The following NLRP2 variants were observed in gnomAD, a reference collection of about 807,000 sequenced individuals.
NLRP2 encodes the protein NACHT, LRR and PYD domains-containing protein 2.
NLRP2 carries 107 observed loss-of-function variants against 97.2 expected under a neutral mutation model. That is an observed-to-expected ratio of 1.10 (90% CI 0.94 to 1.29). The LOEUF is 1.29. Among genes scored for constraint, NLRP2 ranks in the 50% most tolerant of loss-of-function variants. NLRP2 has a pLI of 0.00. For missense variants in NLRP2, 1,495 were observed against 1,330.3 expected, an observed-to-expected ratio of 1.12 and a Z score of -1.93; for synonymous variants, 663 against 551.5, an observed-to-expected ratio of 1.20 and a Z score of -2.83.
chr19:54,980,520 T>C (rs1333459433), intron 4 of NLRP2, among the ~76,000 whole-genome samples: 2 of 152,026 alleles, frequency 1.3e-5, no homozygotes, highest in African/African-American at 4.8e-5. Flanking sequence ...ATGAAGACAA[T>C]CGTAGGTAAA....
In NLRP2 at chr19:54,975,294, TCA is replaced by T. The variant is rs1253700965; in HGVS notation, c.325+752_325+753del. 1.5e-3 allele frequency among the ~76,000 whole-genome samples: 210 copies of T among 143,102 alleles called. 1 individual carries two copies. Among genetic ancestry groups the T allele is most frequent in the East Asian group, 4.2e-3 (18 of 4,320 alleles). 93.9% of individuals were successfully genotyped at this position (143,102 alleles called of 152,430 possible). A position where few individuals can be genotyped will look rare whatever the true frequency, so the allele number is the denominator to read the frequency against. ...TGCCACCATGCCTGGCTAATTTTTT[TCA>T]CTTTTTGTAGAGACAGGGTCTTGCT... is the stretch of plus-strand genomic sequence containing the variant. On this transcript the variant is annotated intron_variant, in intron 3 of 12. Transcript: ENST00000448584.
Position 54,970,284 on chromosome 19 carries a change from A to T in NLRP2, c.269A>T (p.Asp90Val), listed in dbSNP as rs778111020. The change falls in exon 2 of 13, where the codon GAT becomes GTT. Residue 90 changes from aspartate to valine, a missense_variant. Physicochemically the swap from Asp to Val is radical, Grantham distance 152 (BLOSUM62 -3). Coordinates refer to ENST00000448584, the MANE Select transcript of NLRP2 (RefSeq NM_017852.5). The part of the protein sequence containing the change: ...HRMDLSERAK[D>V]EVREAALKSF... ...ATGGATCTGTCTGAGAGAGCAAAGG[A>T]TGAAGTCAGAGGTGAGTGGAAATCG... 5.6e-6 allele frequency: 9 copies of T among 1,614,134 alleles called. No homozygotes were observed. The South Asian group carries it at 7.7e-5, about 14-fold the overall frequency.
At chr19:54,967,010 C>T (rs1299122344) in intron 1 of NLRP2, among the ~76,000 whole-genome samples, 1 of 151,500 alleles carries the variant, frequency 6.6e-6, no homozygotes. Flanking sequence ...TCTGTTCTGG[C>T]TAATAATATT....
intron 2 of NLRP2, chr19:54,973,988 A>G: frequency 3.2e-6 from 4 of 1,233,730 alleles, no homozygotes; most frequent in Middle Eastern, 2.0e-4. Context: ...GAAAAAGGCT[A>G]AAACTACAAA....
Position 54,970,117 on chromosome 19 carries a change from C to G in NLRP2, c.102C>G (p.Ser34=). 1 of 1,614,066 alleles carries G rather than the reference C, an allele frequency of 6.2e-7. No individual in the cohort carries two copies. Among genetic ancestry groups the G allele is most frequent in the Non-Finnish European group, 8.5e-7 (1 of 1,180,006 alleles). Residue 34 remains serine, a synonymous_variant, in exon 2 of 13, where the codon TCC becomes TCG. Coordinates refer to ENST00000448584, the MANE Select transcript of NLRP2 (RefSeq NM_017852.5). Reference sequence around the variant, plus strand: ...TCAAGTATCTGATCACGACCTTCTCCCTGGCACACGAGCTCCAGAAGATCC... The same window carrying G: ...TCAAGTATCTGATCACGACCTTCTCGCTGGCACACGAGCTCCAGAAGATCC... The part of the protein sequence containing the change: ...SKFKYLITTF[S]LAHELQKIPH...
intron 2 of NLRP2, among the ~76,000 whole-genome samples, chr19:54,971,129 T>C (rs925220585): frequency 6.6e-6 from 1 of 151,096 alleles, no homozygotes; most frequent in African/African-American, 2.4e-5. Context: ...ATTTCATCCA[T>C]GTCCCTACAA....
At chr19:54,990,225 C>T in intron 9 of NLRP2, 33 bp downstream of exon 9, 1 of 1,609,706 alleles carries the variant, frequency 6.2e-7, no homozygotes, top group South Asian at 1.1e-5. Flanking sequence ...AGCAGCTGTG[C>T]TTTCGATCTG....
chr19:54,985,050 C>A lies in NLRP2; in HGVS notation c.2034C>A (p.Ser678=), dbSNP rs1266672769. 1 of 1,613,992 alleles carries A rather than the reference C, an allele frequency of 6.2e-7. No homozygotes were observed. Among genetic ancestry groups the A allele is most frequent in the Middle Eastern group, 1.7e-4 (1 of 6,056 alleles). The change falls in exon 7 of 13, where the codon TCC becomes TCA. Residue 678 remains serine (S), a synonymous_variant. Coordinates refer to ENST00000448584, the MANE Select transcript of NLRP2 (RefSeq NM_017852.5). ...ASESDAEVER[S]QDDQHMLPFW... is the part of the protein sequence containing the mutation. Reference sequence around the variant, plus strand: ...CCCTTTCTTCTCTTCCCTATAGATCCCAGGATGATCAGCACATGCTTCCTT... The same window carrying A: ...CCCTTTCTTCTCTTCCCTATAGATCACAGGATGATCAGCACATGCTTCCTT...
intron 2 of NLRP2, among the ~76,000 whole-genome samples, chr19:54,970,822 ATTAT>A (rs2070803028): frequency 2.7e-5 from 2 of 75,338 alleles, no homozygotes; most frequent in Non-Finnish European, 5.7e-5. Flanking sequence ...TTTTATTATT[ATTAT>A]TTTTTTTATT....
chr19:54,969,685 G>C (rs1377629013), intron 1 of NLRP2, among the ~76,000 whole-genome samples: 2 of 152,000 alleles, frequency 1.3e-5, no homozygotes, highest in African/African-American at 4.8e-5. Context: ...AATGAGTTGA[G>C]GTCTTGCTCT....
chr19:54,989,944 T>C, intron 8 of NLRP2, 78 bp from the exon 9 acceptor site: 1 of 1,532,514 alleles, frequency 6.5e-7, no homozygotes, highest in Non-Finnish European at 9.0e-7. Context: ...TGAGCCGAGA[T>C]TGCGCCACCT....
At chr19:54,992,212 C>A (rs1479431596) in intron 10 of NLRP2, among the ~76,000 whole-genome samples, 2 of 152,022 alleles carry the variant, frequency 1.3e-5, no homozygotes, top group African/African-American at 4.8e-5. Flanking sequence ...TGCGTCCAGC[C>A]ATACATATCT....
At chr19:54,992,719 C>T (rs1364902456) in intron 10 of NLRP2, among the ~76,000 whole-genome samples, 2 of 151,776 alleles carry the variant, frequency 1.3e-5, no homozygotes, top group South Asian at 2.1e-4. Flanking sequence ...CCACCACGCC[C>T]AGCTAACTTC....
chr19:54,993,861 G>T (rs1316920888), intron 10 of NLRP2: 1 of 299,940 alleles, frequency 3.3e-6, no homozygotes, highest in Non-Finnish European at 6.4e-6. Context: ...AACTTCTGTT[G>T]GCCACCTGCA....
intron 4 of NLRP2, 104 bp from the exon 5 acceptor site, chr19:54,981,513 C>CCCA: frequency 3.7e-6 from 1 of 268,624 alleles, no homozygotes; most frequent in Non-Finnish European, 8.2e-6. Flanking sequence ...TCCCGTGCCC[C>CCCA]CCCTCCCCCC....
intron 2 of NLRP2, chr19:54,973,808 C>G: frequency 1.7e-6 from 1 of 600,136 alleles, no homozygotes; most frequent in South Asian, 1.4e-5. Flanking sequence ...CAATAGCGCT[C>G]ACACAGACAT....
At chr19:54,966,850 T>TTC (rs2070466534) in intron 1 of NLRP2, among the ~76,000 whole-genome samples, 9 of 117,506 alleles carry the variant, frequency 7.7e-5, no homozygotes, top group African/African-American at 2.8e-4. Context: ...TTTTTTTTTT[T>TTC]TCTTCTCTTT....
intron 12 of NLRP2, among the ~76,000 whole-genome samples, chr19:54,998,829 A>T (rs377137078): frequency 1.3e-4 from 19 of 150,510 alleles, no homozygotes; most frequent in African/African-American, 4.7e-4. Context: ...GGGAGTGGTG[A>T]TGACTCTTAA....
At position 54,986,230 on chromosome 19, in the gene NLRP2, AC is replaced by A; in HGVS notation, c.2284del (p.Leu762PhefsTer17). The A allele has an allele frequency of 6.2e-7, 1 of 1,613,530 alleles. No individual in the cohort carries two copies. The highest frequency in any genetic ancestry group is 8.5e-7 in the Non-Finnish European group (1 of 1,179,534). Reference sequence around the variant, plus strand: ...AGGTCACAAGACTGTAACGTATCTGACCCTTCAAGGCAATGACCAGGATGAT... The same window carrying A: ...AGGTCACAAGACTGTAACGTATCTGACCTTCAAGGCAATGACCAGGATGAT... ...LRGHKTVTYL[T>X]LQGNDQDDMF... is the part of the protein sequence containing the mutation. On this transcript the variant is annotated frameshift_variant, in exon 8 of 13. Coordinates refer to ENST00000448584, the MANE Select transcript of NLRP2 (RefSeq NM_017852.5). LOFTEE classifies it high-confidence loss of function.
Sources: allele counts gnomAD v4.1 joint callset (sites outside exome capture counted in the v4.1 genomes callset), GRCh38; gene constraint gnomAD v4.1.1; transcripts MANE v1.5; gene names NCBI Gene and HGNC (gene_info 2026-07-23, HGNC 2026-07-21).